DCST2: variants seen among roughly 807,000 people sequenced by gnomAD.
The protein encoded by DCST2 is DC-STAMP domain containing 2.
A neutral mutation model predicts 81.8 loss-of-function variants in DCST2; 64 were observed. The ratio of observed to expected loss-of-function variants is 0.78; its 90% CI spans 0.64 to 0.96. The LOEUF (loss-of-function observed/expected upper bound fraction) is 0.96, where lower values mean the gene tolerates loss of function less well. Among genes scored for constraint, DCST2 ranks in the 40% least tolerant of loss-of-function variants. DCST2 has a pLI of 0.00. For missense variants in DCST2, 945 were observed against 1,001.4 expected, an observed-to-expected ratio of 0.94 and a Z score of 0.76; for synonymous variants, 354 against 402.6, an observed-to-expected ratio of 0.88 and a Z score of 1.44.
At chr1:155,026,502 C>G in intron 9 of DCST2, 46 bp downstream of exon 9, 1 of 1,612,890 alleles carries the variant, frequency 6.2e-7, no homozygotes, top group Non-Finnish European at 8.5e-7. Flanking sequence ...CCCTCATTTC[C>G]CACATGGTGT....
Position 155,024,908 on chromosome 1 carries a change from G to T in DCST2, c.1612-306C>A, listed in dbSNP as rs2102336837. 2.6e-5 allele frequency among the ~76,000 whole-genome samples: 4 copies of T among 152,196 alleles called. No individual in the cohort carries two copies. In the Middle Eastern group the frequency reaches 0.014, roughly 521 times the overall value. ...TCACGCCTGTAATCCCAGCACTTTG[G>T]GAGGCCGAGGCGGGTGGATCACCTG... is the stretch of plus-strand genomic sequence containing the variant. On this transcript the variant is annotated intron_variant, in intron 10 of 14. Coordinates refer to ENST00000368424, the MANE Select transcript of DCST2 (RefSeq NM_144622.3).
Position 155,033,481 on chromosome 1 carries a change from C to A in DCST2, c.221G>T (p.Arg74Leu). The A allele has an allele frequency of 3.1e-6, 5 of 1,613,876 alleles. No individual in the cohort carries two copies. Among genetic ancestry groups the A allele is most frequent in the Non-Finnish European group, 4.2e-6 (5 of 1,179,910 alleles). ...CAGGAGGACAGTGGCTCGGACCTGGCGAGAGAATCCCATGCCCAGGCTAAG... is the reference window on the plus strand; with the variant it reads ...CAGGAGGACAGTGGCTCGGACCTGGAGAGAGAATCCCATGCCCAGGCTAAG... ...AFLSLGMGFS[R>L]QVRATVLLLL... The change falls in exon 1 of 15, where the codon CGC becomes CTC. Residue 74 changes from arginine (R) to leucine (L), a missense_variant. Physicochemically the swap from Arg to Leu is moderately radical, Grantham distance 102 (BLOSUM62 -2). Transcript: ENST00000368424.
intron 14 of DCST2, 65 bp from the exon 15 acceptor site, chr1:155,018,825 C>T: frequency 6.7e-7 from 1 of 1,490,108 alleles, no homozygotes; most frequent in Non-Finnish European, 9.1e-7. Context: ...GCATCCCTGC[C>T]CCCTGCCCTG....
intron 9 of DCST2, 67 bp from the exon 10 acceptor site, chr1:155,026,469 C>A: frequency 6.2e-7 from 1 of 1,612,604 alleles, no homozygotes; most frequent in South Asian, 1.1e-5. Context: ...CCTGGCGCCC[C>A]CCACATCCTC....
intron 14 of DCST2, among the ~76,000 whole-genome samples, chr1:155,020,534 T>G (rs940170432): frequency 4.6e-5 from 7 of 151,870 alleles, no homozygotes; most frequent in Non-Finnish European, 8.8e-5. Flanking sequence ...CATGCCTAAT[T>G]TTTTGTATTT....
Position 155,033,127 on chromosome 1 carries a change from C to A in DCST2, c.406G>T (p.Glu136Ter). Residue 136 changes from glutamate to a stop codon, truncating the protein, a stop_gained, in exon 2 of 15, where the codon GAA becomes TAA. Transcript: ENST00000368424. LOFTEE classifies it high-confidence loss of function. ...GGTTGCTTGGCCCTCTGTAGCACTT[C>A]GGCGGTCTGGTTCAGGGCCAGCTCT... ...GAELALNQTA[E>*]VLQRAKQPLV... 6.3e-7 allele frequency: 1 copy of A among 1,597,778 alleles called. No individual in the cohort carries two copies. The highest frequency in any genetic ancestry group is 8.5e-7 in the Non-Finnish European group (1 of 1,172,600).
chr1:155,030,433 G>A lies in DCST2; in HGVS notation c.1018C>T (p.Gln340Ter). 4 of 1,613,324 alleles carry A rather than the reference G, an allele frequency of 2.5e-6. No individual in the cohort carries two copies. Among genetic ancestry groups the A allele is most frequent in the South Asian group, 1.1e-5 (1 of 91,046 alleles). ...TPLLLVLLYL[Q>*]ALFYRYCYLN... ...CCACGCTGCCCGGCAGCCCCTCACT[G>A]GAGGTAGAGAAGCACAAGCAGCAGA... The change falls in exon 6 of 15, where the codon CAA becomes TAA. Residue 340 changes from glutamine to a stop codon, truncating the protein, a stop_gained and splice_region_variant. Transcript: ENST00000368424. LOFTEE classifies it high-confidence loss of function.
chr1:155,026,160 G>T, intron 10 of DCST2, 142 bp downstream of exon 10: 1 of 745,474 alleles, frequency 1.3e-6, no homozygotes, highest in Non-Finnish European at 2.2e-6. Flanking sequence ...TTGCAGTCCA[G>T]GTCATTTGCT....
At chr1:155,029,187 G>A in intron 8 of DCST2, 46 bp downstream of exon 8, 1 of 1,602,888 alleles carries the variant, frequency 6.2e-7, no homozygotes, top group Non-Finnish European at 8.5e-7. Flanking sequence ...CAGGCCGAGG[G>A]GGCTGCAGTG....
chr1:155,030,253 AG>A lies in DCST2; in HGVS notation c.1020-13del. 6.2e-7 allele frequency: 1 copy of A among 1,613,926 alleles called. No homozygotes were observed. Among genetic ancestry groups the A allele is most frequent in the Non-Finnish European group, 8.5e-7 (1 of 1,179,946 alleles). On this transcript the variant is annotated splice_polypyrimidine_tract_variant and intron_variant, in intron 6 of 14. Transcript: ENST00000368424. ...GGTAAAATAGGGCTCTGGGAAGGGG[AG>A]GTGGAGCACATGTGAGGCCCCTTAG...
intron 14 of DCST2, among the ~76,000 whole-genome samples, chr1:155,021,753 G>A (rs955555001): frequency 2.6e-5 from 4 of 151,764 alleles, no homozygotes; most frequent in African/African-American, 9.7e-5. Context: ...TCCCAGTCAC[G>A]CTCAGCACTT....
chr1:155,031,861 T>C, intron 3 of DCST2, 90 bp from the exon 4 acceptor site: 1 of 1,345,756 alleles, frequency 7.4e-7, no homozygotes, highest in Non-Finnish European at 1.0e-6. Context: ...TATCCAGGGC[T>C]GGAGAGGCCT....
Position 155,023,916 on chromosome 1 carries a change from G to A in DCST2, c.1786C>T (p.Gln596Ter). ...TGCCCACAGCCCAGGCAGTAGGCCT[G>A]ATGCAGCCAAAAGTGGCTGACAAAT... ...GPFVSHFWLH[Q>*]AYCLGCGQPQ... is the part of the protein sequence containing the mutation. Residue 596 changes from glutamine (Q) to a stop codon, truncating the protein, a stop_gained, in exon 12 of 15, where the codon CAG becomes TAG. Coordinates refer to ENST00000368424, the MANE Select transcript of DCST2 (RefSeq NM_144622.3). LOFTEE classifies it high-confidence loss of function. The A allele has an allele frequency of 6.2e-7, 1 of 1,613,596 alleles. No homozygotes were observed. The highest frequency in any genetic ancestry group is 8.5e-7 in the Non-Finnish European group (1 of 1,179,902).
chr1:155,028,783 G>T (rs776416012), intron 8 of DCST2, among the ~76,000 whole-genome samples: 7 of 143,898 alleles, frequency 4.9e-5, no homozygotes, highest in Non-Finnish European at 7.5e-5. Context: ...TGAGGCAGGA[G>T]AATCACTTAA....
In DCST2 at chr1:155,026,335, G is replaced by A. The variant is rs977509003; in HGVS notation, c.1578C>T (p.Val526=). Residue 526 remains valine (V), a synonymous_variant, in exon 10 of 15, where the codon GTC becomes GTT. Coordinates refer to ENST00000368424, the MANE Select transcript of DCST2 (RefSeq NM_144622.3). ...GGGATGGGTAGTAGGAGGCACAGAT[G>A]ACTCGCCGCAGCCGGCTGACATAGC... is the stretch of plus-strand genomic sequence containing the variant. ...FGSYVSRLRR[V]ICASYYPSRE... The A allele has an allele frequency of 3.7e-6, 6 of 1,613,722 alleles. No homozygotes were observed. Among genetic ancestry groups the A allele is most frequent in the Non-Finnish European group, 5.1e-6 (6 of 1,180,032 alleles).
chr1:155,032,642 G>T, intron 3 of DCST2, 25 bp downstream of exon 3: 2 of 1,606,896 alleles, frequency 1.2e-6, no homozygotes, highest in Non-Finnish European at 8.5e-7. Context: ...TTGAGTCCCC[G>T]GGATAGACAT....
At chr1:155,030,331 A>G (rs1008385617) in intron 6 of DCST2, 90 bp from the exon 7 acceptor site, 2 of 1,595,880 alleles carry the variant, frequency 1.3e-6, no homozygotes, top group East Asian at 2.2e-5. Context: ...CACAACTTCA[A>G]CCTCCCTGGA....
intron 10 of DCST2, 143 bp downstream of exon 10, chr1:155,026,159 A>C: frequency 4.1e-6 from 3 of 733,878 alleles, no homozygotes; most frequent in Non-Finnish European, 6.7e-6. Context: ...CTTGCAGTCC[A>C]GGTCATTTGC....
At position 155,023,841 on chromosome 1, in the gene DCST2, CG is replaced by C; in HGVS notation, c.1860del (p.Gly621AlafsTer?). 1 of 1,613,536 alleles carries C rather than the reference CG, an allele frequency of 6.2e-7. No individual in the cohort carries two copies. The highest frequency in any genetic ancestry group is 8.5e-7 in the Non-Finnish European group (1 of 1,179,886). On this transcript the variant is annotated frameshift_variant, in exon 12 of 15. Coordinates refer to ENST00000368424, the MANE Select transcript of DCST2 (RefSeq NM_144622.3). LOFTEE classifies it high-confidence loss of function. ...DMENTVSCST[P>X]GCQGLYCLTC... ...CCCCAGGGGGTCTCACCTTGGCAGC[CG>C]GGGGTACTGCAGGACACAGTGTTCT...
Sources: gnomAD v4.1 joint callset for allele counts (sites outside exome capture counted in the v4.1 genomes callset) on GRCh38, gnomAD v4.1.1 for gene constraint, MANE v1.5 for transcripts, NCBI Gene and HGNC (gene_info 2026-07-23, HGNC 2026-07-21) for gene names.